Variants in NEBL observed in about 807,000 individuals in gnomAD.
The protein encoded by NEBL is LIM and SH3 protein 2.
Under a neutral mutation model 140.2 loss-of-function variants are expected in NEBL, and 122 were observed. The observed-to-expected ratio is 0.87, with a 90% CI of 0.75 to 1.01. NEBL has a LOEUF of 1.01. Among genes scored for constraint, NEBL ranks in the 50% least tolerant of loss-of-function variants. NEBL has a pLI of 0.00. For synonymous variants in NEBL, 436 were observed against 398.9 expected (o/e 1.09, Z -1.11); for missense variants, 1,365 against 1,231.3 (o/e 1.11, Z -1.62).
chr10:20,810,546 T>G (rs896843874), intron 24 of NEBL, among the ~76,000 whole-genome samples: 1 of 152,178 alleles, frequency 6.6e-6, no homozygotes, highest in African/African-American at 2.4e-5. Context: ...GGAAATATGA[T>G]GAATGAAAAG....
At chr10:21,219,863 T>G in intron 3 of NEBL, among the ~76,000 whole-genome samples, 1 of 146,566 alleles carries the variant, frequency 6.8e-6, no homozygotes, top group South Asian at 2.1e-4. Flanking sequence ...TTCTTGGGTT[T>G]TTTTTTTTTT....
At chr10:21,122,226 A>G (rs1838612962) in intron 2 of NEBL, among the ~76,000 whole-genome samples, 1 of 152,084 alleles carries the variant, frequency 6.6e-6, no homozygotes. Context: ...GGGTTTCACC[A>G]TGTTGGCCAG....
chr10:21,233,004 A>T (rs1589340196), intron 3 of NEBL, among the ~76,000 whole-genome samples: 1 of 152,224 alleles, frequency 6.6e-6, no homozygotes, highest in African/African-American at 2.4e-5. Flanking sequence ...GCAATTGAAG[A>T]TGAGCCATGA....
At chr10:21,226,974 T>C (rs1012942263) in intron 3 of NEBL, among the ~76,000 whole-genome samples, 5 of 152,184 alleles carry the variant, frequency 3.3e-5, no homozygotes, top group Non-Finnish European at 7.3e-5. Context: ...TTTTTTTTAA[T>C]ATTACATTTC....
intron 2 of NEBL, among the ~76,000 whole-genome samples, chr10:21,120,468 T>C (rs1225981805): frequency 7.1e-6 from 1 of 140,518 alleles, no homozygotes; most frequent in Non-Finnish European, 1.5e-5. Context: ...TAAAGGTGCA[T>C]TTCATCTTTG....
intron 2 of NEBL, among the ~76,000 whole-genome samples, chr10:21,086,639 G>C (rs1836644737): frequency 6.6e-6 from 1 of 152,066 alleles, no homozygotes; most frequent in African/African-American, 2.4e-5. Context: ...TTAGTCATGT[G>C]TGGTGGTGTG....
At chr10:21,044,716 C>G (rs1453493037) in intron 2 of NEBL, among the ~76,000 whole-genome samples, 1 of 152,144 alleles carries the variant, frequency 6.6e-6, no homozygotes, top group Non-Finnish European at 1.5e-5. Context: ...CTTTATCACC[C>G]TGCTCAAATG....
chr10:21,059,049 T>C (rs1398567554), intron 2 of NEBL, among the ~76,000 whole-genome samples: 1 of 152,250 alleles, frequency 6.6e-6, no homozygotes, highest in African/African-American at 2.4e-5. Context: ...ATCCATGTTA[T>C]TATAAATGAT....
In NEBL at chr10:21,061,740, G is replaced by T. The variant is rs911075025; in HGVS notation, c.165-41539C>A. 2.0e-5 allele frequency among the ~76,000 whole-genome samples: 3 copies of T among 152,154 alleles called. No individual in the cohort carries two copies. The East Asian group carries it at 5.8e-4, about 29-fold the overall frequency. On this transcript the variant is annotated intron_variant, in intron 2 of 6. Transcript: ENST00000417816. ...AATGATGTTTTTATCCCTAAAAGTG[G>T]TTGTGACCTCCTCAGCCTCACAGAG...
chr10:21,093,373 G>C (rs1297077615), intron 2 of NEBL, among the ~76,000 whole-genome samples: 1 of 152,054 alleles, frequency 6.6e-6, no homozygotes, highest in Non-Finnish European at 1.5e-5. Flanking sequence ...AAATGGGCTG[G>C]AGAAGGGAGA....
intron 4 of NEBL, among the ~76,000 whole-genome samples, chr10:20,937,348 A>C (rs1220263138): frequency 6.6e-6 from 1 of 152,198 alleles, no homozygotes. Context: ...ACTTAAAATA[A>C]GCATCAGATA....
At chr10:20,922,941 G>C (rs1387527787) in intron 4 of NEBL, among the ~76,000 whole-genome samples, 2 of 152,206 alleles carry the variant, frequency 1.3e-5, no homozygotes, top group South Asian at 4.1e-4. Context: ...ATAAGGCAGA[G>C]GGGAGTATAG....
chr10:20,990,421 T>C (rs867900846), intron 3 of NEBL, among the ~76,000 whole-genome samples: 3 of 152,164 alleles, frequency 2.0e-5, no homozygotes, highest in South Asian at 4.1e-4. Flanking sequence ...ATTAGTGTCC[T>C]TATAAAACCA....
In NEBL at chr10:20,889,860, AC is replaced by A. The variant is rs796086455; in HGVS notation, c.242del (p.Gly81ValfsTer62). Reference protein sequence around the residue: ...SPMLNHVKNIGAFISEAKYKG... With the variant: ...SPMLNHVKNIXAFISEAKYKG... ...GATACCTTACCTCAGAAATAAAAGC[AC>A]CGATATTTTTTACATGGTTTAGCAT... On this transcript the variant is annotated frameshift_variant, in exon 3 of 28. Coordinates refer to ENST00000377122, the MANE Select transcript of NEBL (RefSeq NM_006393.3). LOFTEE classifies it high-confidence loss of function. 8 of 1,610,282 alleles carry A rather than the reference AC, an allele frequency of 5.0e-6. No individual in the cohort carries two copies. The African/African-American group carries it at 1.1e-4, about 21-fold the overall frequency.
chr10:21,020,349 A>G, intron 2 of NEBL: 1 of 709,124 alleles, frequency 1.4e-6, no homozygotes, highest in South Asian at 1.5e-5. Flanking sequence ...TCTCTCTGTC[A>G]TTATTCCAGA....
chr10:21,231,479 C>T (rs1338819114), intron 3 of NEBL, among the ~76,000 whole-genome samples: 1 of 151,650 alleles, frequency 6.6e-6, no homozygotes, highest in Non-Finnish European at 1.5e-5. Flanking sequence ...GAGGAGGTTG[C>T]AATGAGCCGA....
chr10:21,136,722 G>T (rs1239500524), intron 2 of NEBL, among the ~76,000 whole-genome samples: 2 of 152,136 alleles, frequency 1.3e-5, no homozygotes, highest in Non-Finnish European at 2.9e-5. Context: ...GGGTCTCCAT[G>T]TTCCAAAACC....
At chr10:21,275,190 C>T (rs754941708) in intron 1 of NEBL, among the ~76,000 whole-genome samples, 7 of 152,338 alleles carry the variant, frequency 4.6e-5, no homozygotes, top group Middle Eastern at 3.4e-3. Flanking sequence ...AGCAGAGCAT[C>T]TCTCAACTAA....
intron 3 of NEBL, among the ~76,000 whole-genome samples, chr10:21,222,793 G>T (rs1413445599): frequency 6.6e-6 from 1 of 151,874 alleles, no homozygotes; most frequent in African/African-American, 2.4e-5. Context: ...ACAGAGTTTT[G>T]TTCTTGTCGC....
Sources: allele counts gnomAD v4.1 joint callset (sites outside exome capture counted in the v4.1 genomes callset), GRCh38; gene constraint gnomAD v4.1.1; transcripts MANE v1.5; gene names NCBI Gene and HGNC (gene_info 2026-07-23, HGNC 2026-07-21).